PRDM6: variants seen among roughly 807,000 people sequenced by gnomAD.
PRDM6 encodes putative histone-lysine N-methyltransferase PRDM6.
Under a neutral mutation model 60.8 loss-of-function variants are expected in PRDM6, and 25 were observed. That is an observed-to-expected ratio of 0.41 (90% CI 0.30 to 0.57). PRDM6 has a LOEUF of 0.57. Ranked by LOEUF, PRDM6 falls within the 20% of genes least tolerant of loss-of-function variation. PRDM6 has a pLI of 0.27. For synonymous variants in PRDM6, 407 were observed against 357.4 expected, an observed-to-expected ratio of 1.14 and a Z score of -1.57; for missense variants, 839 against 821.3, an observed-to-expected ratio of 1.02 and a Z score of -0.26.
intron 5 of PRDM6, 39 bp from the exon 6 acceptor site, chr5:123,170,727 T>A (rs533825322): frequency 3.0e-6 from 4 of 1,348,524 alleles, no homozygotes; most frequent in Non-Finnish European, 4.1e-6. Flanking sequence ...TTTTAAAGGC[T>A]AATAAAACTG....
At chr5:123,158,583 C>G (rs987348785) in intron 4 of PRDM6, among the ~76,000 whole-genome samples, 14 of 152,160 alleles carry the variant, frequency 9.2e-5, no homozygotes, top group African/African-American at 3.4e-4. Flanking sequence ...TTGCCAAGAG[C>G]CACTTTGTGG....
chr5:123,104,829 C>G (rs1233005896), intron 3 of PRDM6, among the ~76,000 whole-genome samples: 1 of 152,140 alleles, frequency 6.6e-6, no homozygotes, highest in Non-Finnish European at 1.5e-5. Context: ...CATCTGCCAC[C>G]TCTTGGAATG....
chr5:123,160,132 A>G (rs1358811267), intron 5 of PRDM6, among the ~76,000 whole-genome samples: 1 of 152,238 alleles, frequency 6.6e-6, no homozygotes, highest in African/African-American at 2.4e-5. Flanking sequence ...TGCATGAGAA[A>G]TAATATTTAA....
intron 5 of PRDM6, among the ~76,000 whole-genome samples, chr5:123,168,778 C>G (rs57381547): frequency 6.6e-6 from 1 of 152,352 alleles, no homozygotes; most frequent in African/African-American, 2.4e-5. Context: ...CGACAGAGCC[C>G]TGCAGACAGA....
rs181114587 is a variant in PRDM6, at chr5:123,122,873, C to T, written c.900+22912C>T. 1.8e-4 allele frequency among the ~76,000 whole-genome samples: 28 copies of T among 152,122 alleles called. No homozygotes were observed. In the East Asian group the frequency reaches 4.8e-3, roughly 26 times the overall value. On this transcript the variant is annotated intron_variant, in intron 3 of 7. Transcript: ENST00000407847. Reference sequence around the variant, plus strand: ...TTGTAAAATGTTTTAAATTATGAAACATTCTTTACTACGAGTTTAATGATT... The same window carrying T: ...TTGTAAAATGTTTTAAATTATGAAATATTCTTTACTACGAGTTTAATGATT...
Position 123,170,863 on chromosome 5 carries a change from C to T in PRDM6, c.1251C>T (p.Arg417=). ...SSKLAPTTQQ[R]SVVFPQTPCS... ...AACTCGCCCCTACCACCCAGCAGCG[C>T]TCCGTTGTTTTCCCCCAGACTCCGT... Residue 417 remains arginine, a synonymous_variant, in exon 6 of 8, where the codon CGC becomes CGT. Transcript: ENST00000407847. The T allele has an allele frequency of 1.9e-6, 3 of 1,552,274 alleles. No homozygotes were observed. The highest frequency in any genetic ancestry group is 2.6e-6 in the Non-Finnish European group (3 of 1,147,124).
At chr5:123,095,971 C>A (rs1763949193) in intron 2 of PRDM6, among the ~76,000 whole-genome samples, 1 of 151,992 alleles carries the variant, frequency 6.6e-6, no homozygotes, top group Non-Finnish European at 1.5e-5. Context: ...GACATTGAAA[C>A]AACACAGAAG....
intron 3 of PRDM6, among the ~76,000 whole-genome samples, chr5:123,114,371 T>C (rs1764384521): frequency 6.6e-6 from 1 of 152,234 alleles, no homozygotes; most frequent in South Asian, 2.1e-4. Flanking sequence ...CTTCTTATTC[T>C]GGTCAACCCA....
At chr5:123,126,287 A>G (rs1428074926) in intron 3 of PRDM6, among the ~76,000 whole-genome samples, 1 of 152,124 alleles carries the variant, frequency 6.6e-6, no homozygotes, top group African/African-American at 2.4e-5. Context: ...GGGTTCCATA[A>G]GTTATGTCAC....
chr5:123,134,071 C>A (rs1327683682), intron 3 of PRDM6, among the ~76,000 whole-genome samples: 1 of 152,044 alleles, frequency 6.6e-6, no homozygotes, highest in African/African-American at 2.4e-5. Flanking sequence ...GTAAATAGTT[C>A]CAACAACTCA....
intron 7 of PRDM6, among the ~76,000 whole-genome samples, chr5:123,185,123 C>T (rs1033933772): frequency 2.6e-5 from 4 of 152,162 alleles, no homozygotes; most frequent in Non-Finnish European, 5.9e-5. Context: ...TCCATCCAAT[C>T]TGGATGTTAA....
At chr5:123,132,790 A>G (rs1444850027) in intron 3 of PRDM6, among the ~76,000 whole-genome samples, 1 of 152,140 alleles carries the variant, frequency 6.6e-6, no homozygotes, top group Non-Finnish European at 1.5e-5. Context: ...GTTCATTTAA[A>G]TTAAAAATTA....
intron 3 of PRDM6, among the ~76,000 whole-genome samples, chr5:123,153,865 C>T (rs532288773): frequency 2.0e-5 from 3 of 152,218 alleles, no homozygotes; most frequent in African/African-American, 2.4e-5. Context: ...TGGCTTCATG[C>T]ACAAAGGAGG....
chr5:123,121,767 A>G (rs981099920), intron 3 of PRDM6, among the ~76,000 whole-genome samples: 5 of 152,088 alleles, frequency 3.3e-5, no homozygotes, highest in African/African-American at 1.2e-4. Flanking sequence ...GTTTGTTTCA[A>G]TAACAATAAA....
intron 3 of PRDM6, among the ~76,000 whole-genome samples, chr5:123,126,061 C>G (rs1764687216): frequency 6.6e-6 from 1 of 152,152 alleles, no homozygotes; most frequent in African/African-American, 2.4e-5. Context: ...CATGGATGAA[C>G]AGTTACTGCT....
rs1271563803 is a variant in PRDM6, at chr5:123,170,998, G to A, written c.1386G>A (p.Gln462=). The part of the protein sequence containing the change: ...RVLASPTSTS[Q]LHSEFSDWHL... ...TGGCAAGCCCAACTTCCACAAGCCA[G>A]CTCCACTCGGAGTTCAGTGACTGGC... is the stretch of plus-strand genomic sequence containing the variant. Residue 462 remains glutamine (Q), a synonymous_variant, in exon 6 of 8, where the codon CAG becomes CAA. Coordinates refer to ENST00000407847, the MANE Select transcript of PRDM6 (RefSeq NM_001136239.4). 1.3e-6 allele frequency: 2 copies of A among 1,551,880 alleles called. No individual in the cohort carries two copies. The highest frequency in any genetic ancestry group is 3.9e-5 in the Admixed American group (2 of 51,010).
chr5:123,118,886 G>C (rs1366502837), intron 3 of PRDM6, among the ~76,000 whole-genome samples: 1 of 152,130 alleles, frequency 6.6e-6, no homozygotes, highest in Non-Finnish European at 1.5e-5. Flanking sequence ...CCTTCTGTTG[G>C]AACAAAAGAG....
At position 123,187,189 on chromosome 5, in the gene PRDM6, C is replaced by A; in HGVS notation, c.1776C>A (p.Ile592=). 2 of 1,549,816 alleles carry A rather than the reference C, an allele frequency of 1.3e-6. No individual in the cohort carries two copies. The highest frequency in any genetic ancestry group is 1.2e-5 in the South Asian group (1 of 83,986). Reference sequence around the variant, plus strand: ...CAATAACTGAGAGCCCAGAATCAATCGAAGTGGATTAACGGATTGACTGGT... The same window carrying A: ...CAATAACTGAGAGCCCAGAATCAATAGAAGTGGATTAACGGATTGACTGGT... ...CKPITESPES[I]EVD is the part of the protein sequence containing the mutation. Residue 592 remains isoleucine, a synonymous_variant, in exon 8 of 8, where the codon ATC becomes ATA. Transcript: ENST00000407847.
intron 3 of PRDM6, among the ~76,000 whole-genome samples, chr5:123,105,038 C>T (rs1289743359): frequency 6.6e-6 from 1 of 152,184 alleles, no homozygotes. Flanking sequence ...GGTTTAATCC[C>T]AACATGCATG....
Sources: allele counts gnomAD v4.1 joint callset (sites outside exome capture counted in the v4.1 genomes callset), GRCh38; gene constraint gnomAD v4.1.1; transcripts MANE v1.5; gene names NCBI Gene and HGNC (gene_info 2026-07-23, HGNC 2026-07-21).